CPNE4: variants seen among roughly 807,000 people sequenced by gnomAD.
CPNE4 encodes copine 4.
Under a neutral mutation model 67.9 loss-of-function variants are expected in CPNE4, and 25 were observed. The ratio of observed to expected loss-of-function variants is 0.37; its 90% CI spans 0.27 to 0.51. The LOEUF (loss-of-function observed/expected upper bound fraction) is 0.51. Ranked by LOEUF, CPNE4 falls within the 20% of genes least tolerant of loss-of-function variation. The probability of loss-of-function intolerance (pLI) is 0.93; values close to 1 mark genes in which losing one functional copy is unlikely to be tolerated. For synonymous variants in CPNE4, 242 were observed against 244.9 expected, an observed-to-expected ratio of 0.99 and a Z score of 0.11; for missense variants, 464 against 690.8, an observed-to-expected ratio of 0.67 and a Z score of 3.68.
chr3:131,997,137 T>C (rs1442230648), intron 1 of CPNE4, among the ~76,000 whole-genome samples: 1 of 152,174 alleles, frequency 6.6e-6, no homozygotes, highest in Admixed American at 6.6e-5. Context: ...GGCCCATAGA[T>C]TACAGCATCT....
intron 2 of CPNE4, among the ~76,000 whole-genome samples, chr3:131,830,327 A>G (rs2085316911): frequency 6.6e-6 from 1 of 152,140 alleles, no homozygotes. Flanking sequence ...ATGTCCTTCT[A>G]TCTTGTCCCC....
At chr3:131,601,676 A>G (rs1939215304) in intron 7 of CPNE4, among the ~76,000 whole-genome samples, 1 of 152,200 alleles carries the variant, frequency 6.6e-6, no homozygotes. Context: ...CGGATGGTGT[A>G]GAGATACTTT....
chr3:131,911,229 CA>C (rs1436161096), intron 1 of CPNE4, among the ~76,000 whole-genome samples: 2 of 151,772 alleles, frequency 1.3e-5, no homozygotes, highest in African/African-American at 2.4e-5. Flanking sequence ...AACATTCATC[CA>C]ATAGGCAGCC....
At chr3:131,698,640 A>G (rs112182906) in intron 4 of CPNE4, among the ~76,000 whole-genome samples, 20,452 of 150,834 alleles carry the variant, frequency 0.14, 1,608 homozygotes, top group African/African-American at 0.2. Context: ...GGCAGGGTGC[A>G]GTGGCTCACA....
At chr3:131,858,576 T>G (rs1432160293) in intron 2 of CPNE4, among the ~76,000 whole-genome samples, 1 of 152,148 alleles carries the variant, frequency 6.6e-6, no homozygotes, top group Non-Finnish European at 1.5e-5. Flanking sequence ...ATCATGACAT[T>G]CTAAAACTTT....
chr3:131,966,769 A>T (rs1278492763), intron 1 of CPNE4, among the ~76,000 whole-genome samples: 1 of 152,208 alleles, frequency 6.6e-6, no homozygotes, highest in Non-Finnish European at 1.5e-5. Context: ...GCCCAAGACC[A>T]GACAGATTCA....
At chr3:131,859,838 A>G (rs2086599844) in intron 2 of CPNE4, among the ~76,000 whole-genome samples, 1 of 152,218 alleles carries the variant, frequency 6.6e-6, no homozygotes, top group South Asian at 2.1e-4. Context: ...CAGATTCTGT[A>G]GGGAAAACAT....
At chr3:131,719,789 G>A (rs1032342563) in intron 3 of CPNE4, among the ~76,000 whole-genome samples, 2 of 152,210 alleles carry the variant, frequency 1.3e-5, no homozygotes, top group African/African-American at 2.4e-5. Context: ...GCTGCAAGAT[G>A]GCTGTAGTGG....
At chr3:131,849,453 G>T (rs567611333) in intron 2 of CPNE4, among the ~76,000 whole-genome samples, 50 of 152,048 alleles carry the variant, frequency 3.3e-4, no homozygotes, top group African/African-American at 1.1e-3. Context: ...AGAGAGAAGG[G>T]GGTGATGCTA....
chr3:131,655,917 G>A (rs758552802), intron 7 of CPNE4, among the ~76,000 whole-genome samples: 10 of 152,076 alleles, frequency 6.6e-5, no homozygotes, highest in African/African-American at 1.4e-4. Flanking sequence ...CATAAAATAC[G>A]CCAGTGAAAT....
chr3:131,657,521 G>C (rs1207553649), intron 7 of CPNE4, among the ~76,000 whole-genome samples: 1 of 144,234 alleles, frequency 6.9e-6, no homozygotes, highest in African/African-American at 2.6e-5. Flanking sequence ...TGAAAGCCTA[G>C]AATTATCTGT....
At chr3:131,730,617 A>G (rs191489375) in intron 2 of CPNE4, among the ~76,000 whole-genome samples, 1 of 152,280 alleles carries the variant, frequency 6.6e-6, no homozygotes, top group East Asian at 1.9e-4. Flanking sequence ...TGATATGACT[A>G]ATGTCCTTAT....
intron 1 of CPNE4, among the ~76,000 whole-genome samples, chr3:131,970,781 T>C (rs368339276): frequency 6.6e-5 from 10 of 152,290 alleles, no homozygotes; most frequent in South Asian, 6.2e-4. Flanking sequence ...TGTGAATATA[T>C]GTATGTGTAG....
At chr3:131,798,144 T>A (rs2083971904) in intron 2 of CPNE4, among the ~76,000 whole-genome samples, 1 of 152,118 alleles carries the variant, frequency 6.6e-6, no homozygotes. Flanking sequence ...TCAAATACCA[T>A]CACTTTGGGG....
rs1422847982 is a variant in CPNE4 at position 131,989,678 on chromosome 3, C to T, written c.-2+44889G>A. On this transcript the variant is annotated intron_variant, in intron 1 of 15. Transcript: ENST00000429747. ...TTTCTCTCACTGGGAGACAAGAAAGCGCTTATTAAAACAATGTAATTTGAG... is the reference window on the plus strand; with the variant it reads ...TTTCTCTCACTGGGAGACAAGAAAGTGCTTATTAAAACAATGTAATTTGAG... Among the ~76,000 whole-genome samples the T allele has an allele frequency of 6.6e-5, 9 of 135,954 alleles. 1 individual carries two copies. Among genetic ancestry groups the T allele is most frequent in the East Asian group, 2.3e-4 (1 of 4,266 alleles). 89.2% of individuals were successfully genotyped at this position (135,954 alleles called of 152,430 possible).
intron 2 of CPNE4, among the ~76,000 whole-genome samples, chr3:131,793,331 C>T (rs2083831866): frequency 6.6e-6 from 1 of 152,160 alleles, no homozygotes; most frequent in Admixed American, 6.6e-5. Context: ...CATCACTCCC[C>T]TGCTTAAAAT....
At chr3:131,775,170 C>T (rs1328789145) in intron 2 of CPNE4, among the ~76,000 whole-genome samples, 4 of 152,098 alleles carry the variant, frequency 2.6e-5, no homozygotes, top group African/African-American at 9.7e-5. Context: ...CCAAAGAAGG[C>T]CCTGTGAAAT....
intron 1 of CPNE4, among the ~76,000 whole-genome samples, chr3:131,973,862 T>A (rs2072572153): frequency 6.6e-6 from 1 of 152,194 alleles, no homozygotes; most frequent in South Asian, 2.1e-4. Context: ...GTCAAAAACA[T>A]AATTGGTTTG....
intron 3 of CPNE4, among the ~76,000 whole-genome samples, chr3:131,703,846 T>C (rs2081358835): frequency 6.6e-6 from 1 of 152,202 alleles, no homozygotes; most frequent in Admixed American, 6.5e-5. Flanking sequence ...TCTTACAATG[T>C]AGTGAAATCT....
Sources: gnomAD v4.1 joint callset for allele counts (sites outside exome capture counted in the v4.1 genomes callset) on GRCh38, gnomAD v4.1.1 for gene constraint, MANE v1.5 for transcripts, NCBI Gene and HGNC (gene_info 2026-07-23, HGNC 2026-07-21) for gene names.